HMCN1: variants seen among roughly 807,000 people sequenced by gnomAD.
HMCN1 encodes hemicentin 1, also known as hemicentin-1.
In HMCN1, 321 loss-of-function variants were observed where a neutral mutation model predicts 625.9. The observed-to-expected ratio is 0.51, with a 90% CI of 0.47 to 0.56. The LOEUF (loss-of-function observed/expected upper bound fraction) is 0.56. HMCN1 is among the 20% of genes least tolerant of loss of function. HMCN1 has a pLI of 0.00. For missense variants in HMCN1, 6,588 were observed against 6,887.3 expected (o/e 0.96, Z 1.54); for synonymous variants, 2,425 against 2,417.6 (o/e 1.00, Z -0.09).
At chr1:186,115,740 T>G (rs1343736035) in intron 75 of HMCN1, among the ~76,000 whole-genome samples, 1 of 152,122 alleles carries the variant, frequency 6.6e-6, no homozygotes, top group African/African-American at 2.4e-5. Context: ...AAAGAAAAAC[T>G]ATTCTGTAAA....
At position 186,170,536 on chromosome 1, in the gene HMCN1, T is replaced by G. The variant is rs561428952; in HGVS notation, c.15575-801T>G. Among the ~76,000 whole-genome samples, 498 of 152,154 alleles carry G rather than the reference T, an allele frequency of 3.3e-3. 4 individuals carry two copies. Among genetic ancestry groups the G allele is most frequent in the Non-Finnish European group, 4.8e-3 (329 of 67,986 alleles). On this transcript the variant is annotated intron_variant, in intron 100 of 106. Transcript: ENST00000271588. ...AGCACTATTCACAATAGTAAAGACA[T>G]AGAACCAACCCAAATGCCCATCAGT...
In HMCN1 at chr1:185,923,535, G is replaced by T; in HGVS notation, c.1167G>T (p.Trp389Cys). The T allele has an allele frequency of 6.2e-7, 1 of 1,612,240 alleles. No individual in the cohort carries two copies. The highest frequency in any genetic ancestry group is 1.7e-5 in the Admixed American group (1 of 60,004). The change falls in exon 8 of 107, where the codon TGG (tryptophan) becomes TGT (cysteine). Residue 389 changes from tryptophan (W) to cysteine (C), a missense_variant. By Grantham distance (215) the Trp-to-Cys change is radical. This residue lies in a region of HMCN1 where 4,628 missense variants were observed against 4,853.1 expected (regional missense o/e 0.95). Transcript: ENST00000271588. ...CACATCGAAAACCTTATGGCATATG[G>T]AATATTTCTGACTTTGTACCACCAA... The part of the protein sequence containing the change: ...YYPHRKPYGI[W>C]NISDFVPPNE...
intron 4 of HMCN1, among the ~76,000 whole-genome samples, chr1:185,901,282 G>T (rs971292592): frequency 6.6e-6 from 1 of 151,544 alleles, no homozygotes; most frequent in African/African-American, 2.4e-5. Flanking sequence ...AAATGTATTT[G>T]TTTCCTTCTC....
intron 97 of HMCN1, among the ~76,000 whole-genome samples, chr1:186,164,734 G>A (rs968120074): frequency 6.6e-6 from 1 of 152,226 alleles, no homozygotes; most frequent in South Asian, 2.1e-4. Flanking sequence ...TAAGTTGCTT[G>A]AAAACAGCAT....
intron 105 of HMCN1, among the ~76,000 whole-genome samples, chr1:186,186,549 G>T (rs552378290): frequency 2.0e-5 from 3 of 152,088 alleles, no homozygotes; most frequent in Non-Finnish European, 4.4e-5. Flanking sequence ...AAAATAGAGA[G>T]CTAAGACCAT....
At chr1:185,916,915 G>A (rs1451168685) in intron 6 of HMCN1, among the ~76,000 whole-genome samples, 1 of 152,076 alleles carries the variant, frequency 6.6e-6, no homozygotes, top group Non-Finnish European at 1.5e-5. Context: ...AAAAAACCTG[G>A]AGGATGTGGC....
At chr1:185,736,654 A>G (rs959074996) in intron 1 of HMCN1, among the ~76,000 whole-genome samples, 2 of 152,246 alleles carry the variant, frequency 1.3e-5, no homozygotes, top group Non-Finnish European at 2.9e-5. Flanking sequence ...GACTATCCTG[A>G]TATTTTGAAG....
intron 4 of HMCN1, among the ~76,000 whole-genome samples, chr1:185,871,723 A>C (rs917734674): frequency 6.6e-6 from 1 of 151,942 alleles, no homozygotes; most frequent in Non-Finnish European, 1.5e-5. Flanking sequence ...TTCTCTTGCT[A>C]GTTTTTTCCC....
intron 97 of HMCN1, 54 bp from the exon 98 acceptor site, chr1:186,165,057 C>T (rs1651790544): frequency 6.7e-7 from 1 of 1,483,406 alleles, no homozygotes; most frequent in Admixed American, 1.7e-5. Flanking sequence ...TGGAAAGAAG[C>T]CAGGGGCAAC....
chr1:186,094,194 G>A (rs1660001892), intron 66 of HMCN1, 82 bp from the exon 67 acceptor site: 1 of 1,082,666 alleles, frequency 9.2e-7, no homozygotes, highest in African/African-American at 1.6e-5. Flanking sequence ...ACCACCTATA[G>A]CCTATTTATA....
intron 72 of HMCN1, among the ~76,000 whole-genome samples, chr1:186,113,221 G>C (rs1217235961): frequency 2.0e-5 from 3 of 152,150 alleles, no homozygotes; most frequent in Non-Finnish European, 2.9e-5. Context: ...TTCAGAATCA[G>C]AACCATTGAG....
chr1:185,959,408 AT>A (rs1649851941), intron 11 of HMCN1, among the ~76,000 whole-genome samples: 1 of 152,172 alleles, frequency 6.6e-6, no homozygotes, highest in Admixed American at 6.5e-5. Context: ...TAATCTGACC[AT>A]TAATAGTGTA....
At chr1:185,898,822 G>T (rs538973238) in intron 4 of HMCN1, among the ~76,000 whole-genome samples, 73 of 151,858 alleles carry the variant, frequency 4.8e-4, no homozygotes, top group Non-Finnish European at 8.5e-4. Flanking sequence ...ATGTGATTGT[G>T]TCTACAGCTA....
At chr1:186,161,812 C>G (rs1651502739) in intron 97 of HMCN1, among the ~76,000 whole-genome samples, 1 of 152,164 alleles carries the variant, frequency 6.6e-6, no homozygotes, top group African/African-American at 2.4e-5. Context: ...ATGGGCTTCC[C>G]TTTGTGGGTA....
At chr1:186,009,905 G>A (rs1195502720) in intron 30 of HMCN1, among the ~76,000 whole-genome samples, 2 of 152,040 alleles carry the variant, frequency 1.3e-5, no homozygotes, top group African/African-American at 2.4e-5. Context: ...CACCAGGGTC[G>A]GTTTTGTGGA....
At chr1:185,751,162 A>G (rs898271290) in intron 1 of HMCN1, among the ~76,000 whole-genome samples, 1 of 152,104 alleles carries the variant, frequency 6.6e-6, no homozygotes, top group Admixed American at 6.6e-5. Flanking sequence ...TTCCCCCACC[A>G]ACCCTATGCA....
intron 11 of HMCN1, among the ~76,000 whole-genome samples, chr1:185,951,696 G>GCA (rs1668684604): frequency 6.6e-6 from 1 of 150,528 alleles, no homozygotes; most frequent in Non-Finnish European, 1.5e-5. Flanking sequence ...GATGGGACGT[G>GCA]GCTTAGGAGG....
At chr1:186,128,417 G>A (rs1033940345) in intron 83 of HMCN1, 126 bp downstream of exon 83, 3 of 772,464 alleles carry the variant, frequency 3.9e-6, no homozygotes, top group South Asian at 3.1e-5. Context: ...GCTGTAAAAT[G>A]TGTGCCTCTG....
At position 185,797,941 on chromosome 1, in the gene HMCN1, G is replaced by T. The variant is rs1167203307; in HGVS notation, c.269-48085G>T. Reference sequence around the variant, plus strand: ...AGATCCCGCCACTGCACTCCAGCCTGGGCGACAGAGCGAGACTCCGTCTCA... The same window carrying T: ...AGATCCCGCCACTGCACTCCAGCCTTGGCGACAGAGCGAGACTCCGTCTCA... On this transcript the variant is annotated intron_variant, in intron 1 of 106. Coordinates refer to ENST00000271588, the MANE Select transcript of HMCN1 (RefSeq NM_031935.3). 5.3e-5 allele frequency among the ~76,000 whole-genome samples: 6 copies of T among 113,942 alleles called. No individual in the cohort carries two copies. In the East Asian group the frequency reaches 1.3e-3, roughly 25 times the overall value. 74.8% of individuals were successfully genotyped at this position (113,942 alleles called of 152,430 possible).
Sources: allele counts gnomAD v4.1 joint callset (sites outside exome capture counted in the v4.1 genomes callset), GRCh38; gene constraint gnomAD v4.1.1; regional missense constraint gnomAD v4.1.1; transcripts MANE v1.5; gene names NCBI Gene and HGNC (gene_info 2026-07-23, HGNC 2026-07-21).